The following SUPT3H variants were observed in gnomAD, a reference collection of about 807,000 sequenced individuals.
SUPT3H encodes SPT3 homolog, SAGA and STAGA complex component, also known as transcription initiation protein SPT3 homolog.
Under a neutral mutation model 44.3 loss-of-function variants are expected in SUPT3H, and 44 were observed. The observed-to-expected ratio is 0.99, with a 90% CI of 0.78 to 1.28. The LOEUF (loss-of-function observed/expected upper bound fraction) is 1.28, where lower values mean the gene tolerates loss of function less well. Among genes scored for constraint, SUPT3H ranks in the 50% most tolerant of loss-of-function variants. The pLI is 0.00. For missense variants in SUPT3H, 380 were observed against 387.1 expected (o/e 0.98, Z 0.15); for synonymous variants, 124 against 125.6 (o/e 0.99, Z 0.09).
chr6:45,060,771 T>A (rs933937091), intron 3 of SUPT3H, among the ~76,000 whole-genome samples: 2 of 152,068 alleles, frequency 1.3e-5, no homozygotes, highest in Admixed American at 6.5e-5. Context: ...CACAACCCCA[T>A]TAAAAAGTGG....
intron 10 of SUPT3H, among the ~76,000 whole-genome samples, chr6:44,903,353 C>T (rs1185791941): frequency 6.6e-6 from 1 of 152,088 alleles, no homozygotes; most frequent in Non-Finnish European, 1.5e-5. Context: ...GGGGATATTA[C>T]CACTGATCCC....
chr6:45,034,156 C>T (rs932661796), intron 3 of SUPT3H, among the ~76,000 whole-genome samples: 4 of 152,036 alleles, frequency 2.6e-5, no homozygotes, highest in African/African-American at 9.7e-5. Context: ...CTACCTCCTC[C>T]TCCTCCAACA....
chr6:45,153,250 G>A (rs1168212523), intron 2 of SUPT3H, among the ~76,000 whole-genome samples: 3 of 152,302 alleles, frequency 2.0e-5, no homozygotes, highest in Middle Eastern at 3.4e-3. Context: ...CCATTAGAAT[G>A]TAAGCTTTAT....
At chr6:45,158,427 G>A (rs560749532) in intron 2 of SUPT3H, among the ~76,000 whole-genome samples, 7 of 150,300 alleles carry the variant, frequency 4.7e-5, no homozygotes, top group African/African-American at 1.7e-4. Context: ...TGTCCAGAAG[G>A]AAGCATACCT....
At position 44,839,230 on chromosome 6, in the gene SUPT3H, C is replaced by G. The variant is rs527688927; in HGVS notation, c.913-9373G>C. On this transcript the variant is annotated intron_variant, in intron 10 of 10. Transcript: ENST00000371459. ...AGATCACCCTTATCACACTATTGTC[C>G]AAGTCAACTGCCTACTGGTTACATT... Among the ~76,000 whole-genome samples, 3 of 152,150 alleles carry G rather than the reference C, an allele frequency of 2.0e-5. No individual in the cohort carries two copies. The South Asian group carries it at 6.2e-4, about 32-fold the overall frequency.
Position 44,954,747 on chromosome 6 carries a change from T to C in SUPT3H, c.581-140A>G. ...GCACATAAAATGCATAATTAATGTC[T>C]AGATATTCTGGCCCCAAGAAATCCA... On this transcript the variant is annotated intron_variant, in intron 7 of 10. Transcript: ENST00000371459. The C allele has an allele frequency of 8.1e-6, 5 of 619,400 alleles. No individual in the cohort carries two copies. In the South Asian group the frequency reaches 8.1e-5, roughly 10 times the overall value. The allele number at this position is 619,400 out of a possible 1,614,324, so 38.4% of individuals were successfully genotyped here. A position where few individuals can be genotyped will look rare whatever the true frequency, so the allele number is the denominator to read the frequency against.
At chr6:45,065,037 C>A (rs1014620243) in intron 3 of SUPT3H, among the ~76,000 whole-genome samples, 110 of 150,912 alleles carry the variant, frequency 7.3e-4, no homozygotes, top group African/African-American at 2.4e-3. Flanking sequence ...ACACCTATTC[C>A]AAAATTGACC....
intron 5 of SUPT3H, among the ~76,000 whole-genome samples, chr6:45,008,463 T>A (rs1397259634): frequency 2.0e-5 from 3 of 152,106 alleles, no homozygotes; most frequent in African/African-American, 7.2e-5. Context: ...CAAGTAATCT[T>A]CCCACCTCAG....
intron 2 of SUPT3H, among the ~76,000 whole-genome samples, chr6:45,187,113 A>G (rs960233606): frequency 2.0e-5 from 3 of 149,898 alleles, no homozygotes; most frequent in Non-Finnish European, 4.5e-5. Flanking sequence ...AAAAAAAAAA[A>G]AAAAAAAAAA....
chr6:44,929,722 G>A (rs1770221430), intron 10 of SUPT3H, among the ~76,000 whole-genome samples: 1 of 151,308 alleles, frequency 6.6e-6, no homozygotes, highest in Admixed American at 6.6e-5. Flanking sequence ...CCTTAGGGAA[G>A]TGAACATCAG....
chr6:45,213,170 G>A (rs1408989340), intron 2 of SUPT3H, among the ~76,000 whole-genome samples: 1 of 152,140 alleles, frequency 6.6e-6, no homozygotes, highest in Non-Finnish European at 1.5e-5. Context: ...GATTCATTTA[G>A]CTTGAGCTTC....
At chr6:45,125,496 T>G (rs1802296929) in intron 2 of SUPT3H, among the ~76,000 whole-genome samples, 1 of 152,208 alleles carries the variant, frequency 6.6e-6, no homozygotes, top group Non-Finnish European at 1.5e-5. Flanking sequence ...TCTTAAATCT[T>G]CCTCTCATAG....
At chr6:45,008,066 A>T (rs1031934472) in intron 5 of SUPT3H, among the ~76,000 whole-genome samples, 2 of 151,988 alleles carry the variant, frequency 1.3e-5, no homozygotes, top group African/African-American at 4.8e-5. Context: ...TTCCATACTT[A>T]TTTATCCATT....
intron 1 of SUPT3H, among the ~76,000 whole-genome samples, chr6:45,370,860 T>C (rs1795943727): frequency 6.6e-6 from 1 of 152,090 alleles, no homozygotes; most frequent in Non-Finnish European, 1.5e-5. Context: ...TAGTCTCACA[T>C]TAAGTTTCTA....
chr6:44,827,973 T>G lies in SUPT3H; in HGVS notation c.*1843A>C, dbSNP rs1767951732. Among the ~76,000 whole-genome samples, 3 of 152,084 alleles carry G rather than the reference T, an allele frequency of 2.0e-5. No individual in the cohort carries two copies. The highest frequency in any genetic ancestry group is 4.4e-5 in the Non-Finnish European group (3 of 67,982). On this transcript the variant is annotated 3_prime_UTR_variant, in exon 11 of 11. Transcript: ENST00000371459. ...GTCATATTTCTGAGAGAAATGTACA[T>G]TGAGTCTTCCTTCTCTGGGACTATA...
intron 7 of SUPT3H, among the ~76,000 whole-genome samples, chr6:44,960,696 C>A (rs570252576): frequency 6.6e-6 from 1 of 151,850 alleles, no homozygotes; most frequent in African/African-American, 2.4e-5. Context: ...CTAAAAATTA[C>A]AATACAAAAC....
chr6:45,348,259 C>T (rs1363457421), intron 2 of SUPT3H, among the ~76,000 whole-genome samples: 1 of 151,888 alleles, frequency 6.6e-6, no homozygotes, highest in Non-Finnish European at 1.5e-5. Flanking sequence ...CCAGTTCTAC[C>T]ACTGAATAGC....
intron 2 of SUPT3H, among the ~76,000 whole-genome samples, chr6:45,247,287 G>A (rs187597793): frequency 7.2e-5 from 11 of 152,344 alleles, no homozygotes; most frequent in Admixed American, 1.3e-4. Flanking sequence ...TGGGGAGCCT[G>A]ACTGCAGAGC....
chr6:45,283,093 C>G (rs575957099), intron 2 of SUPT3H, among the ~76,000 whole-genome samples: 3,945 of 152,236 alleles, frequency 0.026, 186 homozygotes, highest in African/African-American at 0.089. Flanking sequence ...AAGCACTAAA[C>G]ATGGAAAGGA....
Sources: gnomAD v4.1 joint callset for allele counts (sites outside exome capture counted in the v4.1 genomes callset) on GRCh38, gnomAD v4.1.1 for gene constraint, MANE v1.5 for transcripts, NCBI Gene and HGNC (gene_info 2026-07-23, HGNC 2026-07-21) for gene names.